Variants in PCDHGC5 observed in about 807,000 individuals in gnomAD.
The protein encoded by PCDHGC5 is protocadherin gamma subfamily C, 5, also known as protocadherin gamma-C5.
A neutral mutation model predicts 59.0 loss-of-function variants in PCDHGC5; 25 were observed. That is an observed-to-expected ratio of 0.42 (90% CI 0.31 to 0.59). The LOEUF (loss-of-function observed/expected upper bound fraction) is 0.59. Ranked by LOEUF, PCDHGC5 falls within the 20% of genes least tolerant of loss-of-function variation. The pLI is 0.13. For synonymous variants in PCDHGC5, 434 were observed against 505.5 expected (o/e 0.86, Z 1.90); for missense variants, 1,067 against 1,206.4 (o/e 0.88, Z 1.71).
In PCDHGC5 at chr5:141,490,506, C is replaced by T. The variant is rs967095367; in HGVS notation, c.1266C>T (p.Ile422=). ...LDREATSHYI[I]ELLASDAGSP... ...GGGAGGCCACATCCCACTATATCAT[C>T]GAGCTGCTGGCCAGCGATGCTGGTT... is the stretch of plus-strand genomic sequence containing the variant. Residue 422 remains isoleucine, a synonymous_variant, in exon 1 of 4, where the codon ATC becomes ATT. Transcript: ENST00000252087. This position sits in a 1 kb window ranked among gnomAD's most constrained non-coding sequence, Gnocchi z 5.4. The T allele has an allele frequency of 1.2e-5, 19 of 1,614,116 alleles. No homozygotes were observed. The highest frequency in any genetic ancestry group is 2.2e-5 in the South Asian group (2 of 91,088).
chr5:141,498,805 C>T (rs1397026274), intron 2 of PCDHGC5, among the ~76,000 whole-genome samples: 1 of 152,000 alleles, frequency 6.6e-6, no homozygotes, highest in Non-Finnish European at 1.5e-5. Flanking sequence ...TGGTGGTGCA[C>T]ACCTGTAGTC....
Position 141,490,965 on chromosome 5 carries a change from C to G in PCDHGC5, c.1725C>G (p.Ala575=). The change falls in exon 1 of 4, where the codon GCC becomes GCG. Residue 575 remains alanine, a synonymous_variant. Coordinates refer to ENST00000252087, the MANE Select transcript of PCDHGC5 (RefSeq NM_018929.3). This position sits in a 1 kb window ranked among gnomAD's most constrained non-coding sequence, Gnocchi z 5.4. The part of the protein sequence containing the change: ...LHPRPDWEHS[A]PQRLPRSAPP... ...CACGGCCAGACTGGGAACACTCAGC[C>G]CCCCAGCGTCTCCCTCGCTCTGCTC... is the stretch of plus-strand genomic sequence containing the variant. 5 of 1,613,856 alleles carry G rather than the reference C, an allele frequency of 3.1e-6. No homozygotes were observed. The highest frequency in any genetic ancestry group is 3.3e-4 in the Middle Eastern group (2 of 6,062).
At position 141,491,692 on chromosome 5, in the gene PCDHGC5, C is replaced by T. The variant is rs749349869; in HGVS notation, c.2452C>T (p.Arg818Trp). Residue 818 changes from arginine (R) to tryptophan (W), a missense_variant, in exon 1 of 4, where the codon CGG becomes TGG. Physicochemically the swap from Arg to Trp is moderately radical, Grantham distance 101. Coordinates refer to ENST00000252087, the MANE Select transcript of PCDHGC5 (RefSeq NM_018929.3). This position sits in a 1 kb window ranked among gnomAD's most constrained non-coding sequence, Gnocchi z 6.9. ...IRSRSNTLRE[R>W]SQQAPPNTDW... ...GTCCCGCTCTAATACGCTGCGGGAG[C>T]GGAGCCAGGTGAGGGGCTCGGCGCC... is the stretch of plus-strand genomic sequence containing the variant. 1 of 1,612,594 alleles carries T rather than the reference C, an allele frequency of 6.2e-7. No homozygotes were observed. The highest frequency in any genetic ancestry group is 8.5e-7 in the Non-Finnish European group (1 of 1,179,340).
chr5:141,501,836 T>G (rs2099811283), intron 2 of PCDHGC5, among the ~76,000 whole-genome samples: 1 of 152,136 alleles, frequency 6.6e-6, no homozygotes, highest in Non-Finnish European at 1.5e-5. Context: ...CCCACCTGTT[T>G]GGCCCTCAAC....
At position 141,489,297 on chromosome 5, in the gene PCDHGC5, G is replaced by A. The variant is rs184934961; in HGVS notation, c.57G>A (p.Leu19=). 5.1e-6 allele frequency: 8 copies of A among 1,583,774 alleles called. No homozygotes were observed. Among genetic ancestry groups the A allele is most frequent in the Non-Finnish European group, 6.9e-6 (8 of 1,164,904 alleles). The part of the protein sequence containing the change: ...LAGKWQVLCM[L]SLCCWGWVSG... ...GGAAATGGCAAGTGCTGTGCATGTT[G>A]TCCTTGTGCTGCTGGGGCTGGGTGT... is the stretch of plus-strand genomic sequence containing the variant. Residue 19 remains leucine (L), a synonymous_variant, in exon 1 of 4, where the codon TTG becomes TTA. Coordinates refer to ENST00000252087, the MANE Select transcript of PCDHGC5 (RefSeq NM_018929.3). This position sits in a 1 kb window ranked among gnomAD's most constrained non-coding sequence, Gnocchi z 4.5.
Position 141,491,405 on chromosome 5 carries a change from A to C in PCDHGC5, c.2165A>C (p.Asp722Ala). 6.2e-7 allele frequency: 1 copy of C among 1,614,096 alleles called. No individual in the cohort carries two copies. Among genetic ancestry groups the C allele is most frequent in the Non-Finnish European group, 8.5e-7 (1 of 1,179,998 alleles). The change falls in exon 1 of 4, where the codon GAC (aspartate) becomes GCC (alanine). Residue 722 changes from aspartate to alanine, a missense_variant. Coordinates refer to ENST00000252087, the MANE Select transcript of PCDHGC5 (RefSeq NM_018929.3). This position sits in a 1 kb window ranked among gnomAD's most constrained non-coding sequence, Gnocchi z 6.9. ...GCGAAGTGCCTTCAGGGAAACGCAG[A>C]CGGGGACGGGGGTGGAGGGCAGTGC... is the stretch of plus-strand genomic sequence containing the variant. ...LSAKCLQGNA[D>A]GDGGGGQCCR...
chr5:141,492,395 C>G (rs2099740183), intron 1 of PCDHGC5, among the ~76,000 whole-genome samples: 1 of 152,242 alleles, frequency 6.6e-6, no homozygotes, highest in African/African-American at 2.4e-5. Flanking sequence ...GGTCCACTCG[C>G]AGCTCCCCTC....
chr5:141,494,914 A>G (rs906245656), intron 2 of PCDHGC5, 49 bp downstream of exon 2: 5 of 1,613,708 alleles, frequency 3.1e-6, no homozygotes, highest in Admixed American at 1.7e-5. Context: ...GCATTTTCTC[A>G]GGGATGACGT....
At position 141,489,651 on chromosome 5, in the gene PCDHGC5, G is replaced by A; in HGVS notation, c.411G>A (p.Glu137=). 6.2e-7 allele frequency: 1 copy of A among 1,614,186 alleles called. No individual in the cohort carries two copies. Among genetic ancestry groups the A allele is most frequent in the Non-Finnish European group, 8.5e-7 (1 of 1,180,032 alleles). ...NDNSPSFATP[E]REMRISESAA... is the part of the protein sequence containing the mutation. ...ACTCTCCTAGCTTTGCCACCCCTGA[G>A]CGAGAGATGCGCATCTCAGAATCAG... The change falls in exon 1 of 4, where the codon GAG becomes GAA. Residue 137 remains glutamate, a synonymous_variant. Coordinates refer to ENST00000252087, the MANE Select transcript of PCDHGC5 (RefSeq NM_018929.3). The surrounding 1 kb of genome is among the most constrained non-coding windows in gnomAD (Gnocchi z 4.5).
chr5:141,508,627 C>T (rs566012494), intron 3 of PCDHGC5, among the ~76,000 whole-genome samples: 1 of 152,262 alleles, frequency 6.6e-6, no homozygotes, highest in South Asian at 2.1e-4. Flanking sequence ...GTGGGCCGAG[C>T]TTCTAGCTAC....
Position 141,491,094 on chromosome 5 carries a change from G to T in PCDHGC5, c.1854G>T (p.Leu618=). ...TGCCACAGTCCACAGCCCCAGGACT[G>T]TTCCTCGTGTCTACACACACTGGTG... ...SLLPQSTAPG[L]FLVSTHTGEV... Residue 618 remains leucine, a synonymous_variant, in exon 1 of 4, where the codon CTG becomes CTT. Transcript: ENST00000252087. This position sits in a 1 kb window ranked among gnomAD's most constrained non-coding sequence, Gnocchi z 6.9. The T allele has an allele frequency of 6.2e-7, 1 of 1,614,202 alleles. No homozygotes were observed. The highest frequency in any genetic ancestry group is 1.1e-5 in the South Asian group (1 of 91,086).
At chr5:141,501,329 ACACAC>A (rs1562200854) in intron 2 of PCDHGC5, among the ~76,000 whole-genome samples, 2 of 148,226 alleles carry the variant, frequency 1.3e-5, no homozygotes, top group Non-Finnish European at 3.0e-5. Flanking sequence ...ACACACACAC[ACACAC>A]CCCAAACTCA....
chr5:141,491,327 T>C lies in PCDHGC5; in HGVS notation c.2087T>C (p.Val696Ala), dbSNP rs1422115943. ...ERSDLTLYLI[V>A]ALATVSLLSL... ...TCAGACCTTACCCTTTACCTCATTG[T>C]GGCTCTAGCGACCGTCAGTCTCTTA... is the stretch of plus-strand genomic sequence containing the variant. The change falls in exon 1 of 4, where the codon GTG becomes GCG. Residue 696 changes from valine (V) to alanine (A), a missense_variant. Val to Ala is a moderately conservative substitution (Grantham distance 64). Coordinates refer to ENST00000252087, the MANE Select transcript of PCDHGC5 (RefSeq NM_018929.3). This position sits in a 1 kb window ranked among gnomAD's most constrained non-coding sequence, Gnocchi z 6.9. 5.6e-6 allele frequency: 9 copies of C among 1,614,098 alleles called. No homozygotes were observed. Among genetic ancestry groups the C allele is most frequent in the Admixed American group, 3.3e-5 (2 of 60,006 alleles).
chr5:141,491,119 G>A lies in PCDHGC5; in HGVS notation c.1879G>A (p.Glu627Lys). 6.2e-7 allele frequency: 1 copy of A among 1,614,216 alleles called. No individual in the cohort carries two copies. The highest frequency in any genetic ancestry group is 1.1e-5 in the South Asian group (1 of 91,086). ...GTTCCTCGTGTCTACACACACTGGT[G>A]AGGTGCGCACAGCCCGGGCCTTACT... Reference protein sequence around the residue: ...GLFLVSTHTGEVRTARALLED... With the variant: ...GLFLVSTHTGKVRTARALLED... Residue 627 changes from glutamate (E) to lysine (K), a missense_variant, in exon 1 of 4, where the codon GAG (glutamate) becomes AAG (lysine). Glu to Lys is a moderately conservative substitution (Grantham distance 56, BLOSUM62 1). Transcript: ENST00000252087. The surrounding 1 kb of genome is among the most constrained non-coding windows in gnomAD (Gnocchi z 6.9).
chr5:141,500,645 A>C (rs2099801792), intron 2 of PCDHGC5, among the ~76,000 whole-genome samples: 1 of 152,228 alleles, frequency 6.6e-6, no homozygotes, highest in African/African-American at 2.4e-5. Flanking sequence ...GTTTTTTAAA[A>C]ATAGCAACTG....
chr5:141,504,561 T>G (rs1023434942), intron 2 of PCDHGC5, among the ~76,000 whole-genome samples: 1 of 150,052 alleles, frequency 6.7e-6, no homozygotes, highest in Non-Finnish European at 1.5e-5. Context: ...GGGACTGGCA[T>G]TCTAGGGAAC....
rs1456184444 is a variant in PCDHGC5, at chr5:141,512,578, C to T, written c.*1405C>T. On this transcript the variant is annotated 3_prime_UTR_variant, in exon 4 of 4. Coordinates refer to ENST00000252087, the MANE Select transcript of PCDHGC5 (RefSeq NM_018929.3). ...ATAGACCTTCTTCTCCCACCCCCTT[C>T]TGCCCCTGGGTCCCCGGCCATCCAG... is the stretch of plus-strand genomic sequence containing the variant. 1 of 152,944 alleles carries T rather than the reference C, an allele frequency of 6.5e-6. No homozygotes were observed. The highest frequency in any genetic ancestry group is 1.5e-5 in the Non-Finnish European group (1 of 68,542). 9.5% of individuals were successfully genotyped at this position (152,944 alleles called of 1,614,324 possible). A position where few individuals can be genotyped will look rare whatever the true frequency, so the allele number is the denominator to read the frequency against.
intron 2 of PCDHGC5, among the ~76,000 whole-genome samples, chr5:141,500,985 C>T (rs2099804537): frequency 6.6e-6 from 1 of 152,048 alleles, no homozygotes; most frequent in Non-Finnish European, 1.5e-5. Flanking sequence ...TCTCCTGCCT[C>T]AGCCTCCTGA....
In PCDHGC5 at chr5:141,491,762, C is replaced by T. The variant is rs1162878124; in HGVS notation, c.2460+62C>T. The T allele has an allele frequency of 6.4e-7, 1 of 1,572,596 alleles. No homozygotes were observed. The highest frequency in any genetic ancestry group is 1.4e-5 in the African/African-American group (1 of 73,308). ...GGCGGCACTGGAGAAGCCGCCCGTC[C>T]TCATAAGGGATTGAACTTGCATCCA... On this transcript the variant is annotated intron_variant, in intron 1 of 3. Transcript: ENST00000252087. The surrounding 1 kb of genome is among the most constrained non-coding windows in gnomAD (Gnocchi z 6.9).
Sources: gnomAD v4.1 joint callset for allele counts (sites outside exome capture counted in the v4.1 genomes callset) on GRCh38, gnomAD v4.1.1 for gene constraint, Gnocchi (gnomAD v3.1) non-coding constraint, MANE v1.5 for transcripts, NCBI Gene and HGNC (gene_info 2026-07-23, HGNC 2026-07-21) for gene names.